TBC1D19: variants seen among roughly 807,000 people sequenced by gnomAD.
TBC1D19 encodes the protein TBC1 domain family, member 19.
Under a neutral mutation model 89.0 loss-of-function variants are expected in TBC1D19, and 60 were observed. The ratio of observed to expected loss-of-function variants is 0.67; its 90% CI spans 0.55 to 0.84. TBC1D19 has a LOEUF of 0.84. TBC1D19 is among the 40% of genes least tolerant of loss of function. The pLI, the probability that TBC1D19 is intolerant of heterozygous loss-of-function variation, is 0.00. For synonymous variants in TBC1D19, 189 were observed against 199.7 expected, an observed-to-expected ratio of 0.95 and a Z score of 0.45; for missense variants, 500 against 610.8, an observed-to-expected ratio of 0.82 and a Z score of 1.91.
chr4:26,718,069 A>C, intron 14 of TBC1D19, 52 bp downstream of exon 14: 1 of 1,388,672 alleles, frequency 7.2e-7, no homozygotes, highest in South Asian at 1.3e-5. Flanking sequence ...AATCATGCCA[A>C]GAATATTTGT....
At chr4:26,673,915 AT>A in intron 11 of TBC1D19, 27 bp downstream of exon 11, 1 of 1,394,518 alleles carries the variant, frequency 7.2e-7, no homozygotes, top group Non-Finnish European at 9.9e-7. Context: ...GGTGGGTCAG[AT>A]TTTAGCTTTG....
Position 26,676,702 on chromosome 4 carries a change from G to A in TBC1D19, c.816+2814G>A, listed in dbSNP as rs896574559. Among the ~76,000 whole-genome samples the A allele has an allele frequency of 3.3e-5, 5 of 150,994 alleles. No homozygotes were observed. In the East Asian group the frequency reaches 9.7e-4, roughly 29 times the overall value. Reference sequence around the variant, plus strand: ...CCACTGCACTCCAGCCTGGGCAGCAGGGCAAGACTGTCTCAAAAAAAAAAA... The same window carrying A: ...CCACTGCACTCCAGCCTGGGCAGCAAGGCAAGACTGTCTCAAAAAAAAAAA... On this transcript the variant is annotated intron_variant, in intron 11 of 20. Coordinates refer to ENST00000264866, the MANE Select transcript of TBC1D19 (RefSeq NM_018317.4).
chr4:26,844,324 C>T, the TBC1D19 span, among the ~76,000 whole-genome samples: 1 of 152,104 alleles, frequency 6.6e-6, no homozygotes, highest in Non-Finnish European at 1.5e-5. Flanking sequence ...TTAGGAAAAC[C>T]CAACCTCCAA....
At chr4:26,722,301 T>G (rs1211539855) in intron 15 of TBC1D19, among the ~76,000 whole-genome samples, 1 of 152,182 alleles carries the variant, frequency 6.6e-6, no homozygotes, top group Non-Finnish European at 1.5e-5. Context: ...TACCTCTGAA[T>G]AGCCAAAAGA....
intron 13 of TBC1D19, among the ~76,000 whole-genome samples, chr4:26,692,393 A>G (rs1281362152): frequency 1.3e-5 from 2 of 152,168 alleles, no homozygotes; most frequent in Non-Finnish European, 1.5e-5. Flanking sequence ...CATTTTGTTT[A>G]TAGAGGGGAC....
the TBC1D19 span, among the ~76,000 whole-genome samples, chr4:26,809,349 C>T: frequency 8.6e-3 from 1,304 of 152,252 alleles, 19 homozygotes; most frequent in African/African-American, 0.03. Flanking sequence ...AGAGAGGGGA[C>T]ACTGTTTCTG....
chr4:26,683,508 G>A (rs1713538730), intron 11 of TBC1D19, among the ~76,000 whole-genome samples, 167 bp from the exon 12 acceptor site: 1 of 152,174 alleles, frequency 6.6e-6, no homozygotes, highest in African/African-American at 2.4e-5. Flanking sequence ...ATAGAAGTAA[G>A]TATATTTGTT....
chr4:26,671,118 T>C (rs183350405), intron 9 of TBC1D19, among the ~76,000 whole-genome samples: 29 of 151,876 alleles, frequency 1.9e-4, no homozygotes, highest in African/African-American at 7.0e-4. Flanking sequence ...TAGCTATTGC[T>C]GGACACTTTT....
At chr4:26,753,772 G>C in intron 19 of TBC1D19, 48 bp from the exon 20 acceptor site, 1 of 1,608,604 alleles carries the variant, frequency 6.2e-7, no homozygotes, top group Non-Finnish European at 8.5e-7. Flanking sequence ...TAACCGTGCC[G>C]GGCTGATGAG....
the TBC1D19 span, among the ~76,000 whole-genome samples, chr4:26,810,947 C>T: frequency 6.6e-6 from 1 of 152,170 alleles, no homozygotes; most frequent in Non-Finnish European, 1.5e-5. Context: ...GACAGTGTGG[C>T]AATCCCTCAA....
chr4:26,673,446 T>TATATACACAC (rs373807642), intron 10 of TBC1D19, among the ~76,000 whole-genome samples: 105 of 90,866 alleles, frequency 1.2e-3, no homozygotes, highest in African/African-American at 3.4e-3. Flanking sequence ...TATATATATA[T>TATATACACAC]ACACACACAC....
the TBC1D19 span, among the ~76,000 whole-genome samples, chr4:26,843,019 G>A: frequency 2.0e-5 from 3 of 152,140 alleles, no homozygotes; most frequent in Admixed American, 6.5e-5. Flanking sequence ...GAATGAACAG[G>A]TCTTTCAGGC....
At chr4:26,677,882 T>A (rs28793002) in intron 11 of TBC1D19, among the ~76,000 whole-genome samples, 23 of 152,310 alleles carry the variant, frequency 1.5e-4, no homozygotes, top group African/African-American at 5.5e-4. Flanking sequence ...CTCAGCCATG[T>A]GGAACCGTGA....
At chr4:26,682,493 C>A (rs192344690) in intron 11 of TBC1D19, among the ~76,000 whole-genome samples, 3 of 152,262 alleles carry the variant, frequency 2.0e-5, no homozygotes, top group African/African-American at 7.2e-5. Context: ...CCTGGCCAGG[C>A]AGCTACATGC....
intron 8 of TBC1D19, among the ~76,000 whole-genome samples, chr4:26,660,404 A>C (rs1188372415): frequency 6.6e-6 from 1 of 152,204 alleles, no homozygotes; most frequent in African/African-American, 2.4e-5. Flanking sequence ...TGTCTCTAGA[A>C]GATAGAAAGT....
chr4:26,639,439 G>A (rs1577851450), intron 6 of TBC1D19, among the ~76,000 whole-genome samples: 1 of 136,990 alleles, frequency 7.3e-6, no homozygotes, highest in East Asian at 1.9e-4. Context: ...TGAGATTCTT[G>A]TCTTTTAATT....
chr4:26,647,555 T>G (rs1247069070), intron 7 of TBC1D19, among the ~76,000 whole-genome samples: 2 of 152,186 alleles, frequency 1.3e-5, no homozygotes, highest in Admixed American at 6.5e-5. Context: ...GGCCTTTAAA[T>G]GCAATTCAGA....
intron 10 of TBC1D19, among the ~76,000 whole-genome samples, chr4:26,673,474 C>CACACACAA (rs371830256): frequency 6.8e-6 from 1 of 147,814 alleles, no homozygotes; most frequent in Non-Finnish European, 1.5e-5. Flanking sequence ...CACACACACA[C>CACACACAA]AATACTAGTT....
chr4:26,832,409 A>G, the TBC1D19 span, among the ~76,000 whole-genome samples: 7 of 152,288 alleles, frequency 4.6e-5, no homozygotes, highest in Admixed American at 4.6e-4. Flanking sequence ...GGCTTGTCCA[A>G]CTGGGGAGAA....
Sources: allele counts gnomAD v4.1 joint callset (sites outside exome capture counted in the v4.1 genomes callset), GRCh38; gene constraint gnomAD v4.1.1; transcripts MANE v1.5; gene names NCBI Gene and HGNC (gene_info 2026-07-23, HGNC 2026-07-21).